Variants in ARL6IP6 observed in about 807,000 individuals in gnomAD.
ARL6IP6 encodes the protein ARF like GTPase 6 interacting protein 6, also known as ADP-ribosylation factor-like protein 6-interacting protein 6.
ARL6IP6 carries 22 observed loss-of-function variants against 21.5 expected under a neutral mutation model. The ratio of observed to expected loss-of-function variants is 1.02; its 90% CI spans 0.73 to 1.46. The LOEUF is 1.46. Ranked by LOEUF, ARL6IP6 falls within the 40% of genes most tolerant of loss-of-function variation. The pLI, the probability that ARL6IP6 is intolerant of heterozygous loss-of-function variation, is 0.00. For synonymous variants in ARL6IP6, 164 were observed against 125.3 expected, an observed-to-expected ratio of 1.31 and a Z score of -2.06; for missense variants, 388 against 299.8, an observed-to-expected ratio of 1.29 and a Z score of -2.17.
rs990739116 is a variant in ARL6IP6, at chr2:152,760,056, A to G, written c.*216A>G. On this transcript the variant is annotated 3_prime_UTR_variant, in exon 4 of 4. Transcript: ENST00000326446. ...ACAGATTAATTGGGAATATCTGAGT[A>G]TTAAGTACTTTCTTCAGAGTATAAG... 1 of 449,150 alleles carries G rather than the reference A, an allele frequency of 2.2e-6. No individual in the cohort carries two copies. Among genetic ancestry groups the G allele is most frequent in the Non-Finnish European group, 4.0e-6 (1 of 250,110 alleles). The allele number at this position is 449,150 out of a possible 1,614,324, so 27.8% of individuals were successfully genotyped here. A position where few individuals can be genotyped will look rare whatever the true frequency, so the allele number is the denominator to read the frequency against.
At position 152,734,988 on chromosome 2, in the gene ARL6IP6, G is replaced by A. The variant is rs753438333; in HGVS notation, c.455-6G>A. 2 of 1,611,434 alleles carry A rather than the reference G, an allele frequency of 1.2e-6. No individual in the cohort carries two copies. Among genetic ancestry groups the A allele is most frequent in the South Asian group, 2.2e-5 (2 of 90,986 alleles). ...TGTACTTTTTCCCCTCTCTTTTCCT[G>A]TTAAGGATTCTGGACTCTACTTATA... is the stretch of plus-strand genomic sequence containing the variant. On this transcript the variant is annotated splice_region_variant and splice_polypyrimidine_tract_variant and intron_variant, in intron 2 of 3. Coordinates refer to ENST00000326446, the MANE Select transcript of ARL6IP6 (RefSeq NM_152522.7).
At chr2:152,726,812 G>C (rs908976717) in intron 2 of ARL6IP6, among the ~76,000 whole-genome samples, 15 of 152,230 alleles carry the variant, frequency 9.9e-5, no homozygotes, top group African/African-American at 3.6e-4. Context: ...CATTGCAACT[G>C]TCCTAACTTG....
At position 152,761,219 on chromosome 2, in the gene ARL6IP6, CTAA is replaced by C. The variant is rs2105204520; in HGVS notation, c.*1382_*1384del. The stretch of plus-strand genomic sequence containing the variant: ...TTCAAAACTCTTTGGTTGGAAATGA[CTAA>C]TACTGCTCCAATTTAAATTATCTGA... On this transcript the variant is annotated 3_prime_UTR_variant, in exon 4 of 4. Coordinates refer to ENST00000326446, the MANE Select transcript of ARL6IP6 (RefSeq NM_152522.7). 6.6e-6 allele frequency: 1 copy of C among 152,208 alleles called. No homozygotes were observed. The highest frequency in any genetic ancestry group is 1.5e-5 in the Non-Finnish European group (1 of 67,994). 9.4% of individuals were successfully genotyped at this position (152,208 alleles called of 1,614,324 possible).
intron 3 of ARL6IP6, among the ~76,000 whole-genome samples, chr2:152,740,663 A>G (rs1365093296): frequency 6.6e-6 from 1 of 151,480 alleles, no homozygotes; most frequent in African/African-American, 2.4e-5. Flanking sequence ...AAAATAATGC[A>G]TATATATATT....
rs1699739885 is a variant in ARL6IP6 at position 152,720,557 on chromosome 2, A to C, written c.425A>C (p.Asn142Thr). 6.2e-7 allele frequency: 1 copy of C among 1,613,984 alleles called. No individual in the cohort carries two copies. Among genetic ancestry groups the C allele is most frequent in the Non-Finnish European group, 8.5e-7 (1 of 1,179,970 alleles). ...GAGTTGCATGCTGAGAATTTGAAAA[A>C]TGAAGATGATGTAGACACTGGACTA... is the stretch of plus-strand genomic sequence containing the variant. ...VKELHAENLK[N>T]EDDVDTGLLG... Residue 142 changes from asparagine to threonine, a missense_variant, in exon 2 of 4, where the codon AAT becomes ACT. Physicochemically the swap from Asn to Thr is moderately conservative, Grantham distance 65. Transcript: ENST00000326446.
chr2:152,753,981 G>A (rs545452805), intron 3 of ARL6IP6, among the ~76,000 whole-genome samples: 5 of 151,290 alleles, frequency 3.3e-5, no homozygotes, highest in Non-Finnish European at 7.4e-5. Flanking sequence ...GATTACAGGC[G>A]TGAGCCACCA....
At chr2:152,732,503 G>A in intron 2 of ARL6IP6, 1 of 421,494 alleles carries the variant, frequency 2.4e-6, no homozygotes, top group South Asian at 1.8e-5. Context: ...ATTTTGGATT[G>A]CTGGTCTTTT....
chr2:152,755,750 C>T lies in ARL6IP6; in HGVS notation c.588-3997C>T, dbSNP rs899649782. 9.2e-5 allele frequency among the ~76,000 whole-genome samples: 14 copies of T among 152,218 alleles called. No individual in the cohort carries two copies. The East Asian group carries it at 1.9e-3, about 21-fold the overall frequency. Reference sequence around the variant, plus strand: ...CATTCGGGGCCACTACTGGTCTCCGCGAATTGGTGGTAGTGGTCCCCCGGG... The same window carrying T: ...CATTCGGGGCCACTACTGGTCTCCGTGAATTGGTGGTAGTGGTCCCCCGGG... On this transcript the variant is annotated intron_variant, in intron 3 of 3. Transcript: ENST00000326446.
At chr2:152,739,711 A>G (rs1231540337) in intron 3 of ARL6IP6, among the ~76,000 whole-genome samples, 6 of 152,180 alleles carry the variant, frequency 3.9e-5, no homozygotes, top group Non-Finnish European at 7.3e-5. Flanking sequence ...ACCGGTACCA[A>G]TTTACTGTAT....
At chr2:152,734,167 T>C (rs987797355) in intron 2 of ARL6IP6, among the ~76,000 whole-genome samples, 1 of 152,202 alleles carries the variant, frequency 6.6e-6, no homozygotes, top group African/African-American at 2.4e-5. Flanking sequence ...ATGCCTCCTA[T>C]TCTTCTCAAC....
chr2:152,747,132 C>A (rs1701095356), intron 3 of ARL6IP6, among the ~76,000 whole-genome samples: 1 of 151,936 alleles, frequency 6.6e-6, no homozygotes, highest in Admixed American at 6.6e-5. Flanking sequence ...GCCCAGCCAA[C>A]AACTAATTGT....
At chr2:152,755,739 A>G (rs944090939) in intron 3 of ARL6IP6, among the ~76,000 whole-genome samples, 11 of 152,200 alleles carry the variant, frequency 7.2e-5, no homozygotes, top group East Asian at 3.9e-4. Context: ...CGGGGCCACT[A>G]CTGGTCTCCG....
intron 3 of ARL6IP6, among the ~76,000 whole-genome samples, chr2:152,745,570 G>A (rs1701007304): frequency 6.6e-6 from 1 of 152,196 alleles, no homozygotes; most frequent in Non-Finnish European, 1.5e-5. Context: ...ATTGAGCACA[G>A]TGAATTGACT....
rs116323203 is a variant in ARL6IP6, at chr2:152,721,926, G to A, written c.454+1340G>A. On this transcript the variant is annotated intron_variant, in intron 2 of 3. Transcript: ENST00000326446. ...CTTTTTAGTTACTCATTTTATCAGT[G>A]TATGTTTTTACATTGTTTTATCTCT... 4.9e-3 allele frequency among the ~76,000 whole-genome samples: 753 copies of A among 152,312 alleles called. 7 individuals carry two copies. The highest frequency in any genetic ancestry group is 0.017 in the African/African-American group (702 of 41,562).
chr2:152,726,441 C>T (rs560008945), intron 2 of ARL6IP6, among the ~76,000 whole-genome samples: 11 of 152,040 alleles, frequency 7.2e-5, no homozygotes, highest in Non-Finnish European at 1.2e-4. Flanking sequence ...TTGGCTTTGA[C>T]GTGTAAAGAG....
At chr2:152,743,801 A>C (rs1427397051) in intron 3 of ARL6IP6, among the ~76,000 whole-genome samples, 1 of 152,186 alleles carries the variant, frequency 6.6e-6, no homozygotes, top group Non-Finnish European at 1.5e-5. Flanking sequence ...AAGGTATATA[A>C]AAGTAAGATT....
intron 2 of ARL6IP6, among the ~76,000 whole-genome samples, chr2:152,729,722 TATA>T (rs1700213040): frequency 6.6e-6 from 1 of 152,194 alleles, no homozygotes; most frequent in African/African-American, 2.4e-5. Flanking sequence ...ACGTTTTATA[TATA>T]ACTAGCTTTA....
At chr2:152,753,610 G>A (rs1183732373) in intron 3 of ARL6IP6, among the ~76,000 whole-genome samples, 1 of 150,810 alleles carries the variant, frequency 6.6e-6, no homozygotes, top group Non-Finnish European at 1.5e-5. Context: ...TGAATTTATA[G>A]GTGTTTATTA....
chr2:152,750,357 C>A (rs1223479289), intron 3 of ARL6IP6, among the ~76,000 whole-genome samples: 1 of 151,648 alleles, frequency 6.6e-6, no homozygotes, highest in Non-Finnish European at 1.5e-5. Flanking sequence ...GTGTTTGTGA[C>A]CCCAGCTACT....
Sources: allele counts gnomAD v4.1 joint callset (sites outside exome capture counted in the v4.1 genomes callset), GRCh38; gene constraint gnomAD v4.1.1; transcripts MANE v1.5; gene names NCBI Gene and HGNC (gene_info 2026-07-23, HGNC 2026-07-21).